The following TCF4 variants were observed in gnomAD, a reference collection of about 807,000 sequenced individuals.
The protein encoded by TCF4 is SL3-3 enhancer factor 2.
In TCF4, 3 loss-of-function variants were observed where a neutral mutation model predicts 82.1. That is an observed-to-expected ratio of 0.04 (90% CI 0.02 to 0.09). The LOEUF (loss-of-function observed/expected upper bound fraction) is 0.09. TCF4 is among the 10% of genes least tolerant of loss of function. The pLI is 1.00. For synonymous variants in TCF4, 276 were observed against 309.6 expected (o/e 0.89, Z 1.14); for missense variants, 518 against 852.7 (o/e 0.61, Z 4.89).
chr18:55,596,038 G>A (rs558285343), intron 2 of TCF4: 15 of 386,278 alleles, frequency 3.9e-5, no homozygotes, highest in Non-Finnish European at 7.2e-5. Flanking sequence ...TTCGTGACCA[G>A]CCTGGCCAAC....
intron 1 of TCF4, among the ~76,000 whole-genome samples, chr18:55,634,917 G>T (rs536422748): frequency 6.6e-6 from 1 of 152,196 alleles, no homozygotes; most frequent in Non-Finnish European, 1.5e-5. Context: ...AAAGGAAGTC[G>T]TAAGGGGGTG....
intron 2 of TCF4, among the ~76,000 whole-genome samples, chr18:55,622,024 C>CTATATATTATATATACACTA (rs2097721429): frequency 1.5e-5 from 2 of 131,382 alleles, no homozygotes; most frequent in East Asian, 2.1e-4. Flanking sequence ...ATTATATACA[C>CTATATATTATATATACACTA]TATATATTAT....
chr18:55,400,033 T>A (rs752878639), intron 6 of TCF4, among the ~76,000 whole-genome samples: 2 of 151,890 alleles, frequency 1.3e-5, no homozygotes, highest in East Asian at 3.9e-4. Flanking sequence ...GGAGAAGTAA[T>A]AACAAGTATT....
At position 55,633,841 on chromosome 18, in the gene TCF4, G is replaced by C. The variant is rs552818129; in HGVS notation, c.195+1862C>G. On this transcript the variant is annotated intron_variant, in intron 1 of 20. Coordinates refer to the TCF4 transcript ENST00000398339. This position sits in a 1 kb window ranked among gnomAD's most constrained non-coding sequence, Gnocchi z 4.0. ...AACCCTTGATATAGAGCATAGCCAG[G>C]AGAAACAGCTGTATACAAAGGCTAA... 9.2e-5 allele frequency among the ~76,000 whole-genome samples: 14 copies of C among 151,994 alleles called. No individual in the cohort carries two copies. In the East Asian group the frequency reaches 2.1e-3, roughly 23 times the overall value.
chr18:55,512,892 T>C (rs1001459700), intron 3 of TCF4, among the ~76,000 whole-genome samples: 2 of 152,110 alleles, frequency 1.3e-5, no homozygotes, highest in South Asian at 4.2e-4. Flanking sequence ...GCTAGTAAGA[T>C]TTCAATAGGC....
intron 3 of TCF4, among the ~76,000 whole-genome samples, chr18:55,573,666 A>G (rs1156814819): frequency 1.3e-5 from 2 of 152,190 alleles, no homozygotes; most frequent in African/African-American, 4.8e-5. Context: ...CTGTAAGACC[A>G]CAGTTCACCT....
At chr18:55,255,960 A>C (rs919391424) in intron 14 of TCF4, among the ~76,000 whole-genome samples, 7 of 152,212 alleles carry the variant, frequency 4.6e-5, no homozygotes, top group Non-Finnish European at 8.8e-5. Context: ...TCTATGGTAC[A>C]GAACATTCTG....
chr18:55,469,751 C>T (rs2096131050), intron 3 of TCF4: 1 of 152,168 alleles, frequency 6.6e-6, no homozygotes, highest in Admixed American at 6.5e-5. Flanking sequence ...TCTGCAGTGA[C>T]CAGTTCTCTG....
chr18:55,436,098 A>T (rs1468939875), intron 5 of TCF4, among the ~76,000 whole-genome samples: 1 of 152,232 alleles, frequency 6.6e-6, no homozygotes, highest in Non-Finnish European at 1.5e-5. Context: ...ATACAAGTCA[A>T]ATAAGCTTAC....
intron 5 of TCF4, among the ~76,000 whole-genome samples, chr18:55,456,269 T>C (rs2095751421): frequency 6.6e-6 from 1 of 152,118 alleles, no homozygotes; most frequent in Non-Finnish European, 1.5e-5. Flanking sequence ...GAAACCTCAA[T>C]CTAATCCAGC....
At chr18:55,409,301 C>T (rs1435590194) in intron 5 of TCF4, among the ~76,000 whole-genome samples, 2 of 151,954 alleles carry the variant, frequency 1.3e-5, no homozygotes, top group African/African-American at 4.8e-5. Flanking sequence ...GCCCTGCCCC[C>T]CAACAGATTT....
At chr18:55,550,887 A>G (rs2097254595) in intron 3 of TCF4, 1 of 151,940 alleles carries the variant, frequency 6.6e-6, no homozygotes, top group African/African-American at 2.4e-5. Context: ...AGAAATGTCC[A>G]TTCCCTCCCT....
In TCF4 at chr18:55,251,930, G is replaced by GTTTTTTT. The variant is rs199695068; in HGVS notation, c.1350+2560_1350+2566dup. On this transcript the variant is annotated intron_variant, in intron 15 of 19. Transcript: ENST00000354452. ...TGTTGTTGTGGGGAAGGGGGATGAG[G>GTTTTTTT]TTTTTTTTTTTTTTTTTTTGCCTTC... Among the ~76,000 whole-genome samples the GTTTTTTT allele has an allele frequency of 1.6e-3, 165 of 101,202 alleles. 2 individuals are homozygous for GTTTTTTT. The highest frequency in any genetic ancestry group is 5.0e-3 in the African/African-American group (135 of 26,798). 66.4% of individuals were successfully genotyped at this position (101,202 alleles called of 152,430 possible).
chr18:55,532,336 C>T (rs1051153498), intron 3 of TCF4, among the ~76,000 whole-genome samples: 15 of 152,176 alleles, frequency 9.9e-5, no homozygotes, highest in African/African-American at 2.4e-4. Context: ...CCTTAAACCT[C>T]AGGTGCCATC....
intron 3 of TCF4, among the ~76,000 whole-genome samples, chr18:55,498,331 T>C (rs953132317): frequency 2.0e-5 from 3 of 152,140 alleles, no homozygotes; most frequent in Non-Finnish European, 2.9e-5. Flanking sequence ...GCCCTACACA[T>C]GGTAAGCCTA....
intron 6 of TCF4, among the ~76,000 whole-genome samples, chr18:55,371,255 C>T (rs1417155591): frequency 6.6e-6 from 1 of 152,144 alleles, no homozygotes; most frequent in Non-Finnish European, 1.5e-5. Context: ...GAAACATGAT[C>T]AGAGGGCAGG....
intron 3 of TCF4, among the ~76,000 whole-genome samples, chr18:55,480,535 G>A (rs2043938635): frequency 6.6e-6 from 1 of 152,170 alleles, no homozygotes. Context: ...ACACTTGCAA[G>A]GTACTGGTGA....
chr18:55,585,405 G>C (rs1431068992), intron 2 of TCF4, 53 bp from the exon 3 acceptor site: 4 of 1,490,514 alleles, frequency 2.7e-6, no homozygotes, highest in Non-Finnish European at 3.7e-6. Flanking sequence ...TGTGCCTTCA[G>C]AGCTCCTCAA....
upstream of TCF4, chr18:55,591,195 C>T (rs565501908): frequency 1.3e-5 from 2 of 152,348 alleles, no homozygotes; most frequent in African/African-American, 2.4e-5. Context: ...AGATTCCTGT[C>T]TTCCATCCCC....
Sources: gnomAD v4.1 joint callset for allele counts (sites outside exome capture counted in the v4.1 genomes callset) on GRCh38, gnomAD v4.1.1 for gene constraint, Gnocchi (gnomAD v3.1) non-coding constraint, MANE v1.5 for transcripts, NCBI Gene and HGNC (gene_info 2026-07-23, HGNC 2026-07-21) for gene names.